KAT6B: variants seen among roughly 807,000 people sequenced by gnomAD.
KAT6B encodes the protein lysine acetyltransferase 6B.
A neutral mutation model predicts 187.5 loss-of-function variants in KAT6B; 10 were observed. The observed-to-expected ratio is 0.05, with a 90% CI of 0.03 to 0.09. The LOEUF (loss-of-function observed/expected upper bound fraction) is 0.09. Ranked by LOEUF, KAT6B falls within the 10% of genes least tolerant of loss-of-function variation. The pLI, the probability that KAT6B is intolerant of heterozygous loss-of-function variation, is 1.00. For synonymous variants in KAT6B, 861 were observed against 926.8 expected (o/e 0.93, Z 1.29); for missense variants, 1,952 against 2,558.9 (o/e 0.76, Z 5.12).
chr10:74,830,854 C>T (rs1353972501), intron 1 of KAT6B, among the ~76,000 whole-genome samples: 3 of 124,520 alleles, frequency 2.4e-5, no homozygotes, highest in Non-Finnish European at 3.2e-5. Context: ...GTGGCGTGAT[C>T]TTGGCTCACT....
chr10:74,888,497 TTAA>T (rs1845441849), intron 3 of KAT6B, among the ~76,000 whole-genome samples: 1 of 152,308 alleles, frequency 6.6e-6, no homozygotes, highest in Middle Eastern at 3.4e-3. Context: ...CTTAACTTCA[TTAA>T]TAATTAGTGA....
chr10:75,028,887 G>A lies in KAT6B; in HGVS notation c.4063G>A (p.Glu1355Lys). ...DDLIKPEEEEEEEEEEEEEEE... is the reference protein window; with the variant it reads ...DDLIKPEEEEKEEEEEEEEEE... Reference sequence around the variant, plus strand: ...TCTCATCAAACCTGAGGAAGAGGAAGAGGAGGAGGAGGAGGAAGAGGAAGA... The same window carrying A: ...TCTCATCAAACCTGAGGAAGAGGAAAAGGAGGAGGAGGAGGAAGAGGAAGA... The change falls in exon 18 of 18, where the codon GAG becomes AAG. Residue 1355 changes from glutamate to lysine, a missense_variant. By Grantham distance (56) the Glu-to-Lys change is moderately conservative. Around this residue, in one of 9 missense-constraint regions of KAT6B, gnomAD observed 758 missense variants for 891.4 expected, o/e 0.85. Coordinates refer to ENST00000287239, the MANE Select transcript of KAT6B (RefSeq NM_012330.4). 1 of 1,595,750 alleles carries A rather than the reference G, an allele frequency of 6.3e-7. No homozygotes were observed. The highest frequency in any genetic ancestry group is 8.6e-7 in the Non-Finnish European group (1 of 1,165,260).
intron 3 of KAT6B, among the ~76,000 whole-genome samples, chr10:74,938,303 AT>A: frequency 6.6e-6 from 1 of 151,582 alleles, no homozygotes; most frequent in Non-Finnish European, 1.5e-5. Context: ...CTGTTTGCAT[AT>A]TAAAGTTTAA....
chr10:74,953,258 A>C (rs928156977), intron 3 of KAT6B, among the ~76,000 whole-genome samples: 5 of 152,126 alleles, frequency 3.3e-5, no homozygotes, highest in African/African-American at 1.2e-4. Context: ...TTATAGAGTA[A>C]TTCTAAACTC....
At chr10:74,887,198 A>G (rs917679454) in intron 3 of KAT6B, among the ~76,000 whole-genome samples, 2 of 152,010 alleles carry the variant, frequency 1.3e-5, no homozygotes, top group Non-Finnish European at 2.9e-5. Context: ...TGCAGGCAGT[A>G]TGTTACATCT....
chr10:74,846,618 T>C (rs952118409), intron 3 of KAT6B, among the ~76,000 whole-genome samples: 1 of 152,162 alleles, frequency 6.6e-6, no homozygotes. Context: ...TTTTGTATTT[T>C]AGTAGAGACG....
chr10:74,910,165 G>A (rs902392602), intron 3 of KAT6B, among the ~76,000 whole-genome samples: 1 of 151,912 alleles, frequency 6.6e-6, no homozygotes, highest in South Asian at 2.1e-4. Context: ...AGGCGTGGTG[G>A]CGCATGCCTG....
intron 3 of KAT6B, among the ~76,000 whole-genome samples, chr10:74,906,894 T>C (rs191953370): frequency 2.0e-5 from 3 of 152,348 alleles, no homozygotes; most frequent in Admixed American, 6.5e-5. Context: ...ATCCCACACC[T>C]ACCTGGTCAC....
At chr10:74,928,593 G>A (rs916547433) in intron 3 of KAT6B, among the ~76,000 whole-genome samples, 1 of 152,132 alleles carries the variant, frequency 6.6e-6, no homozygotes, top group African/African-American at 2.4e-5. Context: ...TTAATCACTG[G>A]TGGGGGGCCT....
chr10:74,848,506 A>C (rs1842264280), intron 3 of KAT6B, among the ~76,000 whole-genome samples: 1 of 151,812 alleles, frequency 6.6e-6, no homozygotes, highest in Admixed American at 6.6e-5. Flanking sequence ...CTTCGTTTCA[A>C]CAACAACAAC....
At chr10:74,924,618 C>G (rs565947054) in intron 3 of KAT6B, among the ~76,000 whole-genome samples, 3 of 152,352 alleles carry the variant, frequency 2.0e-5, no homozygotes, top group African/African-American at 7.2e-5. Flanking sequence ...ATCTTCCCTA[C>G]TTAATACTCA....
chr10:74,911,433 A>G (rs1197807738), intron 3 of KAT6B, among the ~76,000 whole-genome samples: 1 of 151,810 alleles, frequency 6.6e-6, no homozygotes, highest in African/African-American at 2.4e-5. Context: ...TGCCTGGCTA[A>G]TTTTTTGTAT....
chr10:75,022,733 C>CT (rs1413223513), intron 16 of KAT6B, among the ~76,000 whole-genome samples: 1 of 152,130 alleles, frequency 6.6e-6, no homozygotes, highest in Non-Finnish European at 1.5e-5. Flanking sequence ...GAGTTCAAGA[C>CT]CAGCCTGGCT....
chr10:74,846,628 G>A (rs976371445), intron 3 of KAT6B, among the ~76,000 whole-genome samples: 22 of 152,018 alleles, frequency 1.4e-4, no homozygotes, highest in Admixed American at 1.2e-3. Flanking sequence ...TAGTAGAGAC[G>A]GGGTTTCACC....
intron 4 of KAT6B, among the ~76,000 whole-genome samples, chr10:74,965,553 G>A (rs1264664337): frequency 2.6e-5 from 4 of 152,078 alleles, no homozygotes; most frequent in African/African-American, 9.7e-5. Flanking sequence ...TGTCTGAGTC[G>A]TTATTAGTTT....
intron 3 of KAT6B, among the ~76,000 whole-genome samples, chr10:74,914,475 G>T: frequency 6.6e-6 from 1 of 152,090 alleles, no homozygotes; most frequent in East Asian, 1.9e-4. Context: ...TAGTTAATTC[G>T]ATGTTTATCA....
At chr10:74,924,023 G>A (rs1178158509) in intron 3 of KAT6B, among the ~76,000 whole-genome samples, 2 of 152,118 alleles carry the variant, frequency 1.3e-5, no homozygotes, top group Non-Finnish European at 2.9e-5. Context: ...CGCAGAATTT[G>A]TTGATGAACT....
chr10:74,962,263 C>A (rs182818188), intron 4 of KAT6B, among the ~76,000 whole-genome samples: 9 of 152,168 alleles, frequency 5.9e-5, no homozygotes, highest in African/African-American at 2.2e-4. Flanking sequence ...AAATATAGTT[C>A]ATTTTAGGGA....
At chr10:74,891,474 A>G (rs1845641054) in intron 3 of KAT6B, among the ~76,000 whole-genome samples, 1 of 152,244 alleles carries the variant, frequency 6.6e-6, no homozygotes, top group African/African-American at 2.4e-5. Context: ...ATGGTAATTC[A>G]TCTGTGTCTG....
Sources: gnomAD v4.1 joint callset for allele counts (sites outside exome capture counted in the v4.1 genomes callset) on GRCh38, gnomAD v4.1.1 for gene constraint, gnomAD v4.1.1 regional missense constraint, MANE v1.5 for transcripts, NCBI Gene and HGNC (gene_info 2026-07-23, HGNC 2026-07-21) for gene names.